THSD7A: variants seen among roughly 807,000 people sequenced by gnomAD.
The protein encoded by THSD7A is thrombospondin type-1 domain-containing protein 7A.
In THSD7A, 96 loss-of-function variants were observed where a neutral mutation model predicts 231.3. The ratio of observed to expected loss-of-function variants is 0.41; its 90% CI spans 0.35 to 0.49. THSD7A has a LOEUF of 0.49. Among genes scored for constraint, THSD7A ranks in the 20% least tolerant of loss-of-function variants. The pLI is 0.05. For synonymous variants in THSD7A, 940 were observed against 743.3 expected (o/e 1.26, Z -4.30); for missense variants, 2,290 against 2,070.2 (o/e 1.11, Z -2.06).
chr7:11,597,951 G>T (rs1313013122), intron 2 of THSD7A, among the ~76,000 whole-genome samples: 2 of 152,160 alleles, frequency 1.3e-5, no homozygotes, highest in African/African-American at 2.4e-5. Flanking sequence ...CCTATGATCA[G>T]TTGACAGAGG....
chr7:11,824,395 A>G (rs888466430), intron 1 of THSD7A, among the ~76,000 whole-genome samples: 5 of 152,052 alleles, frequency 3.3e-5, no homozygotes, highest in Non-Finnish European at 7.4e-5. Flanking sequence ...CCAAACTACA[A>G]TCGCACTTCA....
chr7:11,766,081 T>C (rs1211841879), intron 1 of THSD7A, among the ~76,000 whole-genome samples: 1 of 152,186 alleles, frequency 6.6e-6, no homozygotes, highest in Non-Finnish European at 1.5e-5. Flanking sequence ...TACATATGTG[T>C]GGAAGGGCAG....
In THSD7A at chr7:11,637,063, C is replaced by G. The variant is rs1781894209; in HGVS notation, c.191-102G>C. 3 of 1,089,254 alleles carry G rather than the reference C, an allele frequency of 2.8e-6. No homozygotes were observed. Among genetic ancestry groups the G allele is most frequent in the Admixed American group, 2.5e-5 (1 of 39,836 alleles). 67.5% of individuals were successfully genotyped at this position (1,089,254 alleles called of 1,614,324 possible). A position where few individuals can be genotyped will look rare whatever the true frequency, so the allele number is the denominator to read the frequency against. On this transcript the variant is annotated intron_variant, in intron 1 of 27. Coordinates refer to ENST00000423059, the MANE Select transcript of THSD7A (RefSeq NM_015204.3). This position sits in a 1 kb window ranked among gnomAD's most constrained non-coding sequence, Gnocchi z 4.2. ...TTTCAAGACCTAGTACATTAACTTC[C>G]CTGCGGTGTTACAAAGTAGGTCTCT...
chr7:11,827,791 C>T (rs1189898221), intron 1 of THSD7A, among the ~76,000 whole-genome samples: 2 of 152,194 alleles, frequency 1.3e-5, no homozygotes, highest in African/African-American at 4.8e-5. Context: ...GTCATTGCTA[C>T]CTCAAGCTCA....
chr7:11,456,775 A>G (rs1785322269), intron 11 of THSD7A, among the ~76,000 whole-genome samples: 1 of 152,020 alleles, frequency 6.6e-6, no homozygotes, highest in Admixed American at 6.6e-5. Flanking sequence ...TTCTGATAAA[A>G]CTAATTACAA....
At chr7:11,646,167 G>T (rs975624898) in intron 1 of THSD7A, among the ~76,000 whole-genome samples, 1 of 151,928 alleles carries the variant, frequency 6.6e-6, no homozygotes, top group Non-Finnish European at 1.5e-5. Context: ...GGTACTAATA[G>T]CCTCAATATC....
intron 1 of THSD7A, among the ~76,000 whole-genome samples, chr7:11,817,692 G>A (rs1455547587): frequency 6.6e-6 from 1 of 152,166 alleles, no homozygotes; most frequent in African/African-American, 2.4e-5. Flanking sequence ...CACCATCTAA[G>A]TACACTGTAG....
chr7:11,730,541 T>C (rs909706330), intron 1 of THSD7A, among the ~76,000 whole-genome samples: 1 of 151,748 alleles, frequency 6.6e-6, no homozygotes, highest in African/African-American at 2.4e-5. Context: ...ACTATCATTA[T>C]GTTTTTATTT....
At chr7:11,539,641 A>G (rs1444594487) in intron 6 of THSD7A, among the ~76,000 whole-genome samples, 1 of 152,174 alleles carries the variant, frequency 6.6e-6, no homozygotes, top group African/African-American at 2.4e-5. Context: ...GTGTTGCAAA[A>G]TAAGTTTCAC....
chr7:11,492,077 C>A (rs142176523), intron 6 of THSD7A, among the ~76,000 whole-genome samples: 5 of 152,132 alleles, frequency 3.3e-5, no homozygotes, highest in African/African-American at 1.2e-4. Flanking sequence ...ATCAAGCATG[C>A]ATTCACGTCT....
chr7:11,584,902 A>G (rs547707010), intron 4 of THSD7A, among the ~76,000 whole-genome samples: 5 of 152,300 alleles, frequency 3.3e-5, no homozygotes, highest in African/African-American at 1.2e-4. Context: ...CCTCTTTGTG[A>G]AACAGAATTT....
At position 11,658,229 on chromosome 7, in the gene THSD7A, G is replaced by C. The variant is rs151290749; in HGVS notation, c.191-21268C>G. Among the ~76,000 whole-genome samples, 688 of 151,924 alleles carry C rather than the reference G, an allele frequency of 4.5e-3. 3 individuals carry two copies. The highest frequency in any genetic ancestry group is 0.015 in the African/African-American group (640 of 41,506). Reference sequence around the variant, plus strand: ...TGTGTGACTATTTCTTTTTAAGAGAGAGTCACTTATTATTGTTGAAAATGA... The same window carrying C: ...TGTGTGACTATTTCTTTTTAAGAGACAGTCACTTATTATTGTTGAAAATGA... On this transcript the variant is annotated intron_variant, in intron 1 of 27. Coordinates refer to ENST00000423059, the MANE Select transcript of THSD7A (RefSeq NM_015204.3).
chr7:11,533,812 G>C (rs1788802933), intron 6 of THSD7A, among the ~76,000 whole-genome samples: 1 of 152,148 alleles, frequency 6.6e-6, no homozygotes, highest in African/African-American at 2.4e-5. Context: ...AGGTTGACAA[G>C]TGCAGCAAAC....
At chr7:11,742,321 C>G in intron 1 of THSD7A, among the ~76,000 whole-genome samples, 1 of 151,920 alleles carries the variant, frequency 6.6e-6, no homozygotes, top group Admixed American at 6.6e-5. Context: ...AAATTTAATT[C>G]CCCTTTCAAG....
chr7:11,459,329 A>C (rs1785416592), intron 11 of THSD7A, among the ~76,000 whole-genome samples: 1 of 152,040 alleles, frequency 6.6e-6, no homozygotes, highest in East Asian at 1.9e-4. Context: ...TTTCATTATA[A>C]CCTCTATATA....
intron 1 of THSD7A, among the ~76,000 whole-genome samples, chr7:11,708,037 T>A (rs1584242440): frequency 6.6e-6 from 1 of 150,744 alleles, no homozygotes; most frequent in Non-Finnish European, 1.5e-5. Flanking sequence ...CCCTTAATAG[T>A]CTTTTGCACT....
At chr7:11,610,432 G>A (rs1301851501) in intron 2 of THSD7A, among the ~76,000 whole-genome samples, 5 of 152,092 alleles carry the variant, frequency 3.3e-5, no homozygotes, top group African/African-American at 1.2e-4. Flanking sequence ...GGTAAAGTTA[G>A]TAAAGAGTAT....
At chr7:11,493,073 G>T (rs189224216) in intron 6 of THSD7A, among the ~76,000 whole-genome samples, 1 of 152,220 alleles carries the variant, frequency 6.6e-6, no homozygotes, top group Non-Finnish European at 1.5e-5. Context: ...TTTATGAAAA[G>T]TTGCTCAGGG....
chr7:11,571,172 A>G (rs1790612973), intron 4 of THSD7A, among the ~76,000 whole-genome samples: 1 of 152,180 alleles, frequency 6.6e-6, no homozygotes, highest in South Asian at 2.1e-4. Context: ...AAATATGAGA[A>G]GGGAAGCTGA....
Sources: gnomAD v4.1 joint callset for allele counts (sites outside exome capture counted in the v4.1 genomes callset) on GRCh38, gnomAD v4.1.1 for gene constraint, Gnocchi (gnomAD v3.1) non-coding constraint, MANE v1.5 for transcripts, NCBI Gene and HGNC (gene_info 2026-07-23, HGNC 2026-07-21) for gene names.